PLD5: variants seen among roughly 807,000 people sequenced by gnomAD.
The protein encoded by PLD5 is phospholipase D family member 5, also known as inactive phospholipase D5.
In PLD5, 36 loss-of-function variants were observed where a neutral mutation model predicts 61.1. The ratio of observed to expected loss-of-function variants is 0.59; its 90% CI spans 0.45 to 0.78. The LOEUF (loss-of-function observed/expected upper bound fraction) is 0.78, where lower values mean the gene tolerates loss of function less well. PLD5 is among the 30% of genes least tolerant of loss of function. The pLI is 0.00. For missense variants in PLD5, 515 were observed against 644.4 expected (o/e 0.80, Z 2.17); for synonymous variants, 243 against 242.8 (o/e 1.00, Z -0.01).
At chr1:242,371,064 C>CA (rs1661604877) in intron 1 of PLD5, among the ~76,000 whole-genome samples, 2 of 152,144 alleles carry the variant, frequency 1.3e-5, no homozygotes, top group South Asian at 2.1e-4. Flanking sequence ...ACACTGCTGA[C>CA]AAAACCCAAC....
chr1:242,380,358 G>A (rs1354571121), intron 1 of PLD5, among the ~76,000 whole-genome samples: 2 of 152,148 alleles, frequency 1.3e-5, no homozygotes, highest in Non-Finnish European at 2.9e-5. Flanking sequence ...GCACGACAAG[G>A]TGTTCCAGGC....
At chr1:242,169,640 G>T (rs990715593) in intron 5 of PLD5, among the ~76,000 whole-genome samples, 1 of 152,126 alleles carries the variant, frequency 6.6e-6, no homozygotes, top group East Asian at 1.9e-4. Context: ...GGTTCAGTGG[G>T]TCCTAACCCC....
At chr1:242,474,387 C>T (rs1000206946) in intron 1 of PLD5, among the ~76,000 whole-genome samples, 6 of 152,144 alleles carry the variant, frequency 3.9e-5, no homozygotes, top group African/African-American at 1.4e-4. Context: ...GATTACTTCC[C>T]CTCACTATCC....
intron 4 of PLD5, among the ~76,000 whole-genome samples, chr1:242,260,734 A>G (rs1010151584): frequency 1.3e-5 from 2 of 152,248 alleles, no homozygotes; most frequent in African/African-American, 4.8e-5. Flanking sequence ...CATAATGAAA[A>G]TAACAAAGGA....
At chr1:242,325,298 G>C (rs1380834371) in intron 2 of PLD5, among the ~76,000 whole-genome samples, 3 of 151,518 alleles carry the variant, frequency 2.0e-5, no homozygotes, top group African/African-American at 7.3e-5. Context: ...GTAAAGCAGG[G>C]ATCTAAATGA....
chr1:242,148,202 T>C (rs1345396048), intron 5 of PLD5, among the ~76,000 whole-genome samples: 1 of 151,100 alleles, frequency 6.6e-6, no homozygotes, highest in Admixed American at 6.6e-5. Flanking sequence ...TTGCATAAAG[T>C]ATGAATCTAG....
chr1:242,397,757 T>G (rs1446804161), intron 1 of PLD5, among the ~76,000 whole-genome samples: 2 of 149,772 alleles, frequency 1.3e-5, no homozygotes, highest in African/African-American at 4.9e-5. Context: ...CTGGAGCTTC[T>G]TAGCACGTCT....
At chr1:242,230,636 A>G (rs1489270452) in intron 4 of PLD5, among the ~76,000 whole-genome samples, 1 of 152,240 alleles carries the variant, frequency 6.6e-6, no homozygotes, top group Admixed American at 6.5e-5. Context: ...ATCTTCTGTC[A>G]TGACACATCG....
intron 3 of PLD5, among the ~76,000 whole-genome samples, chr1:242,283,997 A>G (rs1674866005): frequency 1.3e-5 from 2 of 151,492 alleles, no homozygotes; most frequent in African/African-American, 2.4e-5. Flanking sequence ...AAAAAGAAGG[A>G]GTTGGCAGCA....
intron 4 of PLD5, among the ~76,000 whole-genome samples, chr1:242,225,490 G>T (rs566641944): frequency 9.5e-4 from 143 of 150,378 alleles, no homozygotes; most frequent in African/African-American, 3.3e-3. Context: ...TAACGCATGT[G>T]AGACCCATTC....
At chr1:242,300,455 AAAGAAAGAAAGAAAGAAAGAAAG>A (rs1675965475) in intron 2 of PLD5, among the ~76,000 whole-genome samples, 1 of 724 alleles carries the variant, frequency 1.4e-3, no homozygotes, top group Admixed American at 0.024. Flanking sequence ...GAGGAAGAAG[AAAGAAAGAAAGAAAGAAAGAAAG>A]AAGAAGAAAT....
Position 242,309,174 on chromosome 1 carries a change from C to T in PLD5, c.327-20644G>A, listed in dbSNP as rs549189561. Among the ~76,000 whole-genome samples the T allele has an allele frequency of 2.0e-5, 3 of 152,044 alleles. No individual in the cohort carries two copies. The South Asian group carries it at 6.2e-4, about 32-fold the overall frequency. Reference sequence around the variant, plus strand: ...AGAAAGCATGTAGAGCAGGGGTGCCCAAGGGAGAGAACACAGTCATGGCTT... The same window carrying T: ...AGAAAGCATGTAGAGCAGGGGTGCCTAAGGGAGAGAACACAGTCATGGCTT... On this transcript the variant is annotated intron_variant, in intron 2 of 9. Coordinates refer to ENST00000536534, the MANE Select transcript of PLD5 (RefSeq NM_001372062.1).
chr1:242,452,459 G>C (rs1422782461), intron 1 of PLD5, among the ~76,000 whole-genome samples: 1 of 152,116 alleles, frequency 6.6e-6, no homozygotes, highest in Non-Finnish European at 1.5e-5. Flanking sequence ...TCTGGAGAGT[G>C]AGAAGCAGGA....
chr1:242,468,690 TAC>T (rs918214737), intron 1 of PLD5, among the ~76,000 whole-genome samples: 2 of 151,304 alleles, frequency 1.3e-5, no homozygotes, highest in African/African-American at 2.4e-5. Context: ...CACACACACA[TAC>T]ACACACACGC....
intron 1 of PLD5, among the ~76,000 whole-genome samples, chr1:242,462,714 G>A (rs929124905): frequency 7.2e-5 from 11 of 152,000 alleles, no homozygotes; most frequent in African/African-American, 2.7e-4. Flanking sequence ...TAGACCTTGT[G>A]CCACCAGATG....
intron 3 of PLD5, among the ~76,000 whole-genome samples, chr1:242,282,681 T>TA (rs1342880704): frequency 1.3e-5 from 2 of 152,080 alleles, no homozygotes; most frequent in African/African-American, 2.4e-5. Flanking sequence ...TTTTTTTTTT[T>TA]AACCCAGTGA....
chr1:242,349,657 T>A (rs1029183543), intron 1 of PLD5, among the ~76,000 whole-genome samples: 1 of 152,150 alleles, frequency 6.6e-6, no homozygotes, highest in African/African-American at 2.4e-5. Flanking sequence ...CTGAGCCATC[T>A]CTCTCTCTAG....
intron 1 of PLD5, among the ~76,000 whole-genome samples, chr1:242,426,156 G>A (rs936945643): frequency 1.3e-5 from 2 of 151,718 alleles, no homozygotes; most frequent in African/African-American, 4.8e-5. Flanking sequence ...GCCCACACGG[G>A]GTCAGGATCA....
intron 5 of PLD5, among the ~76,000 whole-genome samples, chr1:242,146,368 T>C (rs1452300394): frequency 6.6e-6 from 1 of 152,204 alleles, no homozygotes; most frequent in East Asian, 1.9e-4. Flanking sequence ...AGCCTATGCC[T>C]GAACATTTAG....
Sources: gnomAD v4.1 joint callset for allele counts (sites outside exome capture counted in the v4.1 genomes callset) on GRCh38, gnomAD v4.1.1 for gene constraint, MANE v1.5 for transcripts, NCBI Gene and HGNC (gene_info 2026-07-23, HGNC 2026-07-21) for gene names.